Variants in GPR158 observed in about 807,000 individuals in gnomAD.
The protein encoded by GPR158 is G protein-coupled receptor 158.
GPR158 carries 30 observed loss-of-function variants against 78.2 expected under a neutral mutation model. The observed-to-expected ratio is 0.38, with a 90% CI of 0.29 to 0.52. GPR158 has a LOEUF of 0.52. Among genes scored for constraint, GPR158 ranks in the 20% least tolerant of loss-of-function variants. GPR158 has a pLI of 0.83. For missense variants in GPR158, 1,463 were observed against 1,523.5 expected, an observed-to-expected ratio of 0.96 and a Z score of 0.66; for synonymous variants, 581 against 591.1, an observed-to-expected ratio of 0.98 and a Z score of 0.25.
intron 6 of GPR158, among the ~76,000 whole-genome samples, chr10:25,570,351 A>G (rs1836988111): frequency 6.6e-6 from 1 of 152,226 alleles, no homozygotes; most frequent in African/African-American, 2.4e-5. Context: ...AAACACAAAT[A>G]ATTACTCACC....
chr10:25,321,757 G>C (rs1374341764), intron 2 of GPR158, among the ~76,000 whole-genome samples: 2 of 151,952 alleles, frequency 1.3e-5, no homozygotes, highest in African/African-American at 4.8e-5. Context: ...GCCTAGAATT[G>C]AGTTGTATAT....
intron 2 of GPR158, among the ~76,000 whole-genome samples, chr10:25,293,888 G>A (rs1854475014): frequency 6.6e-6 from 1 of 151,826 alleles, no homozygotes; most frequent in Non-Finnish European, 1.5e-5. Flanking sequence ...TGGGATTATA[G>A]GCACCCACCA....
chr10:25,327,526 A>G (rs1159922282), intron 2 of GPR158, among the ~76,000 whole-genome samples: 2 of 150,008 alleles, frequency 1.3e-5, no homozygotes, highest in Admixed American at 1.3e-4. Context: ...CCATTTTGGA[A>G]TGACTTCACT....
At chr10:25,571,564 T>A (rs1314990493) in intron 6 of GPR158, among the ~76,000 whole-genome samples, 2 of 152,196 alleles carry the variant, frequency 1.3e-5, no homozygotes, top group Admixed American at 1.3e-4. Flanking sequence ...GGAAATTGAT[T>A]ACAGATACTC....
At chr10:25,475,314 C>T (rs1835567497) in intron 5 of GPR158, 1 of 152,128 alleles carries the variant, frequency 6.6e-6, no homozygotes, top group African/African-American at 2.4e-5. Flanking sequence ...CCAACAGAAA[C>T]ATTAGGATAC....
chr10:25,454,062 C>T (rs1592137), intron 4 of GPR158, among the ~76,000 whole-genome samples: 70,718 of 151,854 alleles, frequency 0.47, 17,700 homozygotes, highest in East Asian at 0.8. Flanking sequence ...AATTCATTAA[C>T]ATGGGATATC....
rs765106151 is a variant in GPR158, at chr10:25,601,183, CAG to C, written c.*1910_*1911del. 1.8e-4 allele frequency: 27 copies of C among 152,580 alleles called. No homozygotes were observed. The highest frequency in any genetic ancestry group is 3.4e-4 in the Non-Finnish European group (23 of 68,046). The allele number at this position is 152,580 out of a possible 1,614,324, so 9.5% of individuals were successfully genotyped here. The stretch of plus-strand genomic sequence containing the variant: ...TCCATATTCATCATCAAATTTTTCT[CAG>C]TGATTTTTTTATTCAGGAGTAAGCA... On this transcript the variant is annotated 3_prime_UTR_variant, in exon 11 of 11. Coordinates refer to ENST00000376351, the MANE Select transcript of GPR158 (RefSeq NM_020752.3).
At chr10:25,283,277 G>A (rs1854301642) in intron 2 of GPR158, among the ~76,000 whole-genome samples, 1 of 151,912 alleles carries the variant, frequency 6.6e-6, no homozygotes, top group South Asian at 2.1e-4. Flanking sequence ...TCACATTTAT[G>A]GGCATAGAAT....
intron 5 of GPR158, among the ~76,000 whole-genome samples, chr10:25,504,734 C>T (rs1040304746): frequency 6.6e-6 from 1 of 152,196 alleles, no homozygotes; most frequent in African/African-American, 2.4e-5. Context: ...ACCGTTTTAT[C>T]ACAGCTGAAT....
chr10:25,417,338 G>A (rs945589885), intron 4 of GPR158, among the ~76,000 whole-genome samples: 14 of 152,116 alleles, frequency 9.2e-5, no homozygotes, highest in African/African-American at 3.4e-4. Flanking sequence ...TGATGTTAAT[G>A]CAGGTACTTT....
At chr10:25,530,526 C>A (rs1836409718) in intron 5 of GPR158, among the ~76,000 whole-genome samples, 1 of 152,212 alleles carries the variant, frequency 6.6e-6, no homozygotes, top group African/African-American at 2.4e-5. Context: ...CACCTCCCCG[C>A]AGAAGGTGTG....
intron 4 of GPR158, among the ~76,000 whole-genome samples, chr10:25,460,891 T>C (rs1416198576): frequency 6.6e-6 from 1 of 152,216 alleles, no homozygotes; most frequent in African/African-American, 2.4e-5. Context: ...TGGTAATTCT[T>C]GCAATATTTC....
At chr10:25,527,809 A>G (rs188283481) in intron 5 of GPR158, among the ~76,000 whole-genome samples, 17 of 152,198 alleles carry the variant, frequency 1.1e-4, no homozygotes, top group African/African-American at 4.1e-4. Context: ...ACTGATCAAG[A>G]AAAAAATGGA....
At chr10:25,226,918 C>G (rs1588745034) in intron 2 of GPR158, among the ~76,000 whole-genome samples, 1 of 152,164 alleles carries the variant, frequency 6.6e-6, no homozygotes, top group South Asian at 2.1e-4. Flanking sequence ...TAGCTACCTT[C>G]TAAGTCTTCT....
intron 4 of GPR158, among the ~76,000 whole-genome samples, chr10:25,426,553 G>A (rs985881094): frequency 6.6e-6 from 1 of 151,970 alleles, no homozygotes; most frequent in Admixed American, 6.6e-5. Flanking sequence ...ATGTCTCAGG[G>A]AATAGGGCCC....
intron 4 of GPR158, among the ~76,000 whole-genome samples, chr10:25,418,894 T>C (rs1322914384): frequency 1.3e-5 from 2 of 151,082 alleles, no homozygotes; most frequent in African/African-American, 4.9e-5. Context: ...CTATAATCTT[T>C]CTTTTAAAAA....
intron 4 of GPR158, among the ~76,000 whole-genome samples, chr10:25,434,544 A>G (rs913440830): frequency 9.2e-5 from 14 of 152,228 alleles, no homozygotes; most frequent in African/African-American, 3.4e-4. Flanking sequence ...GCACAGTTAT[A>G]AATTAATGCC....
At chr10:25,520,966 C>A (rs941331085) in intron 5 of GPR158, among the ~76,000 whole-genome samples, 2 of 152,200 alleles carry the variant, frequency 1.3e-5, no homozygotes, top group African/African-American at 4.8e-5. Context: ...CCCCCAGCCT[C>A]GCTGGCGCCT....
At chr10:25,449,770 A>G (rs1334904346) in intron 4 of GPR158, among the ~76,000 whole-genome samples, 1 of 152,354 alleles carries the variant, frequency 6.6e-6, no homozygotes, top group East Asian at 1.9e-4. Flanking sequence ...GGTAATGGAT[A>G]TGCTAATTAG....
Sources: gnomAD v4.1 joint callset for allele counts (sites outside exome capture counted in the v4.1 genomes callset) on GRCh38, gnomAD v4.1.1 for gene constraint, MANE v1.5 for transcripts, NCBI Gene and HGNC (gene_info 2026-07-23, HGNC 2026-07-21) for gene names.